LRRC9: variants seen among roughly 807,000 people sequenced by gnomAD.
The protein encoded by LRRC9 is leucine rich repeat containing 9, also known as leucine-rich repeat-containing protein 9.
LRRC9 carries 122 observed loss-of-function variants against 63.2 expected under a neutral mutation model. The observed-to-expected ratio is 1.93, with a 90% confidence interval of 1.67 to 2.24. The LOEUF is 2.24. LRRC9 is among the 30% of genes most tolerant of loss of function. The probability of loss-of-function intolerance (pLI) is 0.00; values close to 1 mark genes in which losing one functional copy is unlikely to be tolerated. For missense variants in LRRC9, 1,071 were observed against 627.7 expected (o/e 1.71, Z -7.55); for synonymous variants, 366 against 213.1 (o/e 1.72, Z -6.25).
exon 8 of LRRC9, chr14:59,944,699 G>C (rs915123193): frequency 1.5e-6 from 1 of 675,686 alleles, no homozygotes; most frequent in African/African-American, 1.8e-5. Flanking sequence ...AATTACAAAA[G>C]TTGCCAGAAG....
chr14:59,940,829 A>G (rs1446708617), intron 7 of LRRC9, among the ~76,000 whole-genome samples: 1 of 152,130 alleles, frequency 6.6e-6, no homozygotes, highest in African/African-American at 2.4e-5. Flanking sequence ...TAGTACAAAC[A>G]TGCAACTGAA....
intron 15 of LRRC9, among the ~76,000 whole-genome samples, chr14:59,979,747 C>T (rs1886721681): frequency 6.9e-6 from 1 of 144,088 alleles, no homozygotes; most frequent in Non-Finnish European, 1.5e-5. Flanking sequence ...TGTTCTCACT[C>T]ATAGGTGGGA....
chr14:59,980,881 G>A (rs1886855971), intron 15 of LRRC9, among the ~76,000 whole-genome samples: 1 of 152,166 alleles, frequency 6.6e-6, no homozygotes, highest in South Asian at 2.1e-4. Flanking sequence ...AATGATGTCA[G>A]CAAAGACCTT....
At chr14:60,059,868 C>T (rs1281235444) in intron 31 of LRRC9, among the ~76,000 whole-genome samples, 1 of 152,204 alleles carries the variant, frequency 6.6e-6, no homozygotes, top group Non-Finnish European at 1.5e-5. Flanking sequence ...TAGCTAGGAT[C>T]ATTGATGAAA....
chr14:60,061,966 T>G (rs1455404138), intron 31 of LRRC9, 45 bp from the exon 32 acceptor site: 1 of 398,394 alleles, frequency 2.5e-6, no homozygotes, highest in Non-Finnish European at 4.4e-6. Flanking sequence ...TGTTTCTCAT[T>G]GTTTCATAAT....
intron 8 of LRRC9, among the ~76,000 whole-genome samples, chr14:59,952,360 G>A (rs1451222750): frequency 2.0e-5 from 3 of 152,120 alleles, no homozygotes; most frequent in East Asian, 1.9e-4. Flanking sequence ...GCTTCGGCTC[G>A]CGCACGGTGC....
At position 60,008,159 on chromosome 14, in the gene LRRC9, G is replaced by A. The variant is rs535849353; in HGVS notation, c.3131G>A (p.Arg1044Gln). Residue 1044 changes from arginine (R) to glutamine (Q), a missense_variant, in exon 23 of 32, where the codon CGG becomes CAG. By Grantham distance (43) the Arg-to-Gln change is conservative (BLOSUM62 1). Coordinates refer to ENST00000445360, the Ensembl canonical transcript of LRRC9. The stretch of plus-strand genomic sequence containing the variant: ...ATTATATGGAATCAAGAAAACTACC[G>A]GTTGTTTGTAATATTTCATCTTCCA... The A allele has an allele frequency of 6.6e-5, 46 of 701,452 alleles. 1 individual carries two copies. The highest frequency in any genetic ancestry group is 1.8e-4 in the South Asian group (12 of 67,430). 43.5% of individuals were successfully genotyped at this position (701,452 alleles called of 1,614,324 possible). A position where few individuals can be genotyped will look rare whatever the true frequency, so the allele number is the denominator to read the frequency against.
rs1299964892 is a variant in LRRC9 at position 60,058,286 on chromosome 14, C to G, written c.4276+264C>G. On this transcript the variant is annotated intron_variant, in intron 31 of 31. Transcript: ENST00000445360. This position sits in a 1 kb window ranked among gnomAD's most constrained non-coding sequence, Gnocchi z 4.4. The stretch of plus-strand genomic sequence containing the variant: ...CACTTGCAATGTGAACTTTGTGATA[C>G]TTGAACAATTATTTCCTGACATATC... Among the ~76,000 whole-genome samples, 2 of 152,062 alleles carry G rather than the reference C, an allele frequency of 1.3e-5. No homozygotes were observed. The highest frequency in any genetic ancestry group is 1.5e-5 in the Non-Finnish European group (1 of 67,976).
At position 60,053,378 on chromosome 14, in the gene LRRC9, C is replaced by T. The variant is rs954478649; in HGVS notation, c.4131+173C>T. Among the ~76,000 whole-genome samples the T allele has an allele frequency of 8.1e-5, 9 of 111,156 alleles. No homozygotes were observed. The highest frequency in any genetic ancestry group is 3.8e-3 in the Middle Eastern group (1 of 260). The allele number at this position is 111,156 out of a possible 152,430, so 72.9% of individuals were successfully genotyped here. ...AGCTGGATTTGGTGAATAGAGCATG[C>T]GTGCTCACACACACACACACACACA... is the stretch of plus-strand genomic sequence containing the variant. On this transcript the variant is annotated intron_variant, in intron 30 of 31. Transcript: ENST00000445360. The surrounding 1 kb of genome is among the most constrained non-coding windows in gnomAD (Gnocchi z 4.8).
downstream of LRRC9, among the ~76,000 whole-genome samples, chr14:60,065,736 A>G (rs896439922): frequency 2.3e-5 from 3 of 130,144 alleles, no homozygotes; most frequent in African/African-American, 7.8e-5. Context: ...TTTATCCAGT[A>G]AAGTTATTAT....
At position 59,932,892 on chromosome 14, in the gene LRRC9, G is replaced by A. The variant is rs1041579323; in HGVS notation, c.543+853G>A. ...ATCACCCTTCTGCTTAAAACCCTCC[G>A]TCGCCTTCTCATCTATTTCAGAGTA... On this transcript the variant is annotated intron_variant, in intron 6 of 31. Transcript: ENST00000445360. The surrounding 1 kb of genome is among the most constrained non-coding windows in gnomAD (Gnocchi z 4.7). Among the ~76,000 whole-genome samples, 8 of 151,988 alleles carry A rather than the reference G, an allele frequency of 5.3e-5. No individual in the cohort carries two copies. Among genetic ancestry groups the A allele is most frequent in the Non-Finnish European group, 8.8e-5 (6 of 67,980 alleles).
At chr14:59,981,012 T>A (rs2140097619) in intron 15 of LRRC9, among the ~76,000 whole-genome samples, 1 of 152,298 alleles carries the variant, frequency 6.6e-6, no homozygotes, top group East Asian at 1.9e-4. Context: ...TCTTCCATTC[T>A]CTATTAGGCC....
intron 31 of LRRC9, among the ~76,000 whole-genome samples, chr14:60,059,384 G>A (rs1486438745): frequency 6.6e-6 from 1 of 152,164 alleles, no homozygotes; most frequent in East Asian, 1.9e-4. Flanking sequence ...TCTAAGGAAG[G>A]AAGAATCTCA....
rs1889893425 is a variant in LRRC9 at position 60,007,341 on chromosome 14, C to T, written c.3063+724C>T. Among the ~76,000 whole-genome samples the T allele has an allele frequency of 3.3e-5, 5 of 152,114 alleles. No homozygotes were observed. In the South Asian group the frequency reaches 1.0e-3, roughly 31 times the overall value. ...ATAAGCCATTTCACATTATGATGCA[C>T]AGTAGTTTTACTCCCTCTTGTTTTC... On this transcript the variant is annotated intron_variant, in intron 22 of 31. Transcript: ENST00000445360.
intron 12 of LRRC9, chr14:59,973,435 C>T (rs1413188187): frequency 5.9e-5 from 9 of 151,952 alleles, no homozygotes; most frequent in East Asian, 1.9e-4. Flanking sequence ...AATTTGTGGT[C>T]GGATAAGCCC....
Position 60,031,241 on chromosome 14 carries a change from G to A in LRRC9, c.3922-754G>A, listed in dbSNP as rs1040409344. Reference sequence around the variant, plus strand: ...TTAAAAATCAAATTCACTTCCACATGATCTAAAATAGGTCTAAATATTTTT... The same window carrying A: ...TTAAAAATCAAATTCACTTCCACATAATCTAAAATAGGTCTAAATATTTTT... On this transcript the variant is annotated intron_variant, in intron 28 of 31. Coordinates refer to ENST00000445360, the Ensembl canonical transcript of LRRC9. The surrounding 1 kb of genome is among the most constrained non-coding windows in gnomAD (Gnocchi z 4.6). Among the ~76,000 whole-genome samples, 13 of 151,982 alleles carry A rather than the reference G, an allele frequency of 8.6e-5. No homozygotes were observed. Among genetic ancestry groups the A allele is most frequent in the African/African-American group, 3.1e-4 (13 of 41,408 alleles).
chr14:60,062,322 C>T (rs1894705159), intron 31 of LRRC9, 143 bp downstream of exon 32: 1 of 390,300 alleles, frequency 2.6e-6, no homozygotes, highest in African/African-American at 2.1e-5. Flanking sequence ...TGTCAGATAG[C>T]ATAAGACTTC....
intron 17 of LRRC9, among the ~76,000 whole-genome samples, chr14:59,992,825 G>A (rs902096615): frequency 8.5e-5 from 13 of 152,180 alleles, no homozygotes; most frequent in Admixed American, 1.3e-4. Flanking sequence ...ACCAAATTAC[G>A]TCTGATTGGT....
chr14:60,029,925 C>T (rs918747982), intron 28 of LRRC9, among the ~76,000 whole-genome samples: 2 of 144,116 alleles, frequency 1.4e-5, no homozygotes, highest in Non-Finnish European at 3.1e-5. Flanking sequence ...ATTATAGTAC[C>T]TTAATGTGAC....
Sources: gnomAD v4.1 joint callset for allele counts (sites outside exome capture counted in the v4.1 genomes callset) on GRCh38, gnomAD v4.1.1 for gene constraint, Gnocchi (gnomAD v3.1) non-coding constraint, MANE v1.5 for transcripts, NCBI Gene and HGNC (gene_info 2026-07-23, HGNC 2026-07-21) for gene names.